Variants in LRP4 observed in about 807,000 individuals in gnomAD.
LRP4 encodes the protein low-density lipoprotein receptor-related protein 4.
LRP4 carries 95 observed loss-of-function variants against 220.3 expected under a neutral mutation model. That is an observed-to-expected ratio of 0.43 (90% confidence interval 0.37 to 0.51). The LOEUF (loss-of-function observed/expected upper bound fraction) is 0.51, where lower values mean the gene tolerates loss of function less well. Ranked by LOEUF, LRP4 falls within the 20% of genes least tolerant of loss-of-function variation. LRP4 has a pLI of 0.00. For missense variants in LRP4, 1,925 were observed against 2,567.0 expected (o/e 0.75, Z 5.40); for synonymous variants, 903 against 954.6 (o/e 0.95, Z 1.00).
At chr11:46,861,554 G>T (rs1392934668) in intron 37 of LRP4, among the ~76,000 whole-genome samples, 2 of 101,162 alleles carry the variant, frequency 2.0e-5, no homozygotes, top group Non-Finnish European at 3.8e-5. Context: ...TTGAGACAGG[G>T]TCTCATTGTC....
chr11:46,900,003 T>C (rs2134864838), intron 3 of LRP4, 27 bp from the exon 4 acceptor site: 1 of 1,564,380 alleles, frequency 6.4e-7, no homozygotes, highest in East Asian at 2.2e-5. Context: ...GTCAGGCTGC[T>C]GCAGGCAGTG....
At chr11:46,878,784 G>T in intron 22 of LRP4, 123 bp downstream of exon 22, 3 of 1,404,914 alleles carry the variant, frequency 2.1e-6, no homozygotes, top group African/African-American at 1.4e-5. Context: ...TCTCCCCTGG[G>T]CCTCTAGAAG....
intron 20 of LRP4, among the ~76,000 whole-genome samples, chr11:46,881,058 C>CA (rs60125188): frequency 0.02 from 1,126 of 56,134 alleles, 88 homozygotes; most frequent in African/African-American, 0.046. Flanking sequence ...TCTAAAAAAC[C>CA]AAAAAAAAAA....
chr11:46,881,952 G>A (rs369713106), intron 19 of LRP4, 49 bp from the exon 20 acceptor site: 3 of 1,578,566 alleles, frequency 1.9e-6, no homozygotes, highest in Non-Finnish European at 2.6e-6. Context: ...TTAATATCCA[G>A]CAGGGACTCA....
intron 1 of LRP4, among the ~76,000 whole-genome samples, chr11:46,910,675 GCCC>G (rs921295976): frequency 1.0e-3 from 22 of 21,634 alleles, no homozygotes; most frequent in Non-Finnish European, 6.2e-4. Context: ...CTTTATCCTT[GCCC>G]CCTTTTTTTT....
chr11:46,868,448 C>A, intron 33 of LRP4, 152 bp downstream of exon 33: 2 of 712,414 alleles, frequency 2.8e-6, no homozygotes, highest in Non-Finnish European at 4.9e-6. Flanking sequence ...ATTCCCAAAA[C>A]CCAAGCAGAC....
Position 46,876,553 on chromosome 11 carries a change from A to C in LRP4, c.3449T>G (p.Val1150Gly), listed in dbSNP as rs1239897544. 6.2e-6 allele frequency: 10 copies of C among 1,614,032 alleles called. No homozygotes were observed. The highest frequency in any genetic ancestry group is 1.3e-5 in the African/African-American group (1 of 74,908). Residue 1150 changes from valine (V) to glycine (G), a missense_variant, in exon 25 of 38, where the codon GTG becomes GGG. Physicochemically the swap from Val to Gly is moderately radical, Grantham distance 109 (BLOSUM62 -3). Coordinates refer to ENST00000378623, the MANE Select transcript of LRP4 (RefSeq NM_002334.4). ...CCGCATGGACCCGTCCAGGTTGCCC[A>C]CTTCAATCCGGTTTGTTCCCGTGTC... ...WTDTGTNRIEVGNLDGSMRKV... is the reference protein window; with the variant it reads ...WTDTGTNRIEGGNLDGSMRKV...
intron 1 of LRP4, among the ~76,000 whole-genome samples, chr11:46,904,504 G>A (rs1308184480): frequency 1.8e-5 from 2 of 108,530 alleles, no homozygotes; most frequent in Non-Finnish European, 4.0e-5. Context: ...TGGATGGACG[G>A]ACAGACGGAT....
intron 16 of LRP4, 29 bp from the exon 17 acceptor site, chr11:46,886,562 T>C: frequency 6.3e-7 from 1 of 1,581,502 alleles, no homozygotes; most frequent in Non-Finnish European, 8.7e-7. Context: ...GGGTCTTCTT[T>C]TAATGCTCTA....
In LRP4 at chr11:46,868,876, T is replaced by G. The variant is rs112479534; in HGVS notation, c.4837+112A>C. On this transcript the variant is annotated intron_variant, in intron 32 of 37. Coordinates refer to ENST00000378623, the MANE Select transcript of LRP4 (RefSeq NM_002334.4). ...TAAAAAGTTCTAAGCGTTTAAAATG[T>G]GAACCAAGAAGCTCTCTTGTGGCCC... The G allele has an allele frequency of 0.011, 16,064 of 1,486,642 alleles. 124 individuals are homozygous for G. Among genetic ancestry groups the G allele is most frequent in the Middle Eastern group, 0.017 (98 of 5,848 alleles). 92.1% of individuals were successfully genotyped at this position (1,486,642 alleles called of 1,614,324 possible). A position where few individuals can be genotyped will look rare whatever the true frequency, so the allele number is the denominator to read the frequency against.
intron 33 of LRP4, 116 bp from the exon 34 acceptor site, chr11:46,868,230 C>T (rs1296902104): frequency 3.3e-6 from 4 of 1,219,308 alleles, no homozygotes; most frequent in Middle Eastern, 5.2e-4. Flanking sequence ...TAGTCCCAGG[C>T]ACCTTCATTA....
Position 46,875,016 on chromosome 11 carries a change from C to T in LRP4, c.4013G>A (p.Gly1338Asp), listed in dbSNP as rs1453134036. The change falls in exon 28 of 38, where the codon GGC (glycine) becomes GAC (aspartate). Residue 1338 changes from glycine (G) to aspartate (D), a missense_variant. This residue lies in a region of LRP4 where 1,244 missense variants were observed against 1,624.9 expected (regional missense o/e 0.77). Transcript: ENST00000378623. The surrounding 1 kb of genome is among the most constrained non-coding windows in gnomAD (Gnocchi z 4.5). Reference sequence around the variant, plus strand: ...CTTCCCATCTCCCTTCAGCTGGATGCCAGTGGGGCAGGCACAGGAGAAGCC... The same window carrying T: ...CTTCCCATCTCCCTTCAGCTGGATGTCAGTGGGGCAGGCACAGGAGAAGCC... ...PSGFSCACPT[G>D]IQLKGDGKTC... 1 of 1,614,008 alleles carries T rather than the reference C, an allele frequency of 6.2e-7. No homozygotes were observed. Among genetic ancestry groups the T allele is most frequent in the Non-Finnish European group, 8.5e-7 (1 of 1,180,050 alleles).
At chr11:46,868,166 T>C in intron 33 of LRP4, 52 bp from the exon 34 acceptor site, 1 of 1,610,832 alleles carries the variant, frequency 6.2e-7, no homozygotes, top group Non-Finnish European at 8.5e-7. Context: ...AACATCTACA[T>C]ATGGCCCAAG....
In LRP4 at chr11:46,899,647, G is replaced by C; in HGVS notation, c.431-144C>G. The C allele has an allele frequency of 1.3e-6, 1 of 766,452 alleles. No individual in the cohort carries two copies. Among genetic ancestry groups the C allele is most frequent in the Non-Finnish European group, 2.3e-6 (1 of 434,800 alleles). The allele number at this position is 766,452 out of a possible 1,614,324, so 47.5% of individuals were successfully genotyped here. A position where few individuals can be genotyped will look rare whatever the true frequency, so the allele number is the denominator to read the frequency against. On this transcript the variant is annotated intron_variant, in intron 4 of 37. Transcript: ENST00000378623. The surrounding 1 kb of genome is among the most constrained non-coding windows in gnomAD (Gnocchi z 5.9). ...CCCCAGAGTCAGTGCAGACTCTCCAGGGAGAACGGAGGCCCTGGAGAGACT... is the reference window on the plus strand; with the variant it reads ...CCCCAGAGTCAGTGCAGACTCTCCACGGAGAACGGAGGCCCTGGAGAGACT...
intron 37 of LRP4, 105 bp from the exon 38 acceptor site, chr11:46,859,420 G>A (rs999950909): frequency 2.8e-5 from 24 of 849,196 alleles, no homozygotes; most frequent in African/African-American, 1.2e-4. Context: ...GGAGTGAAGC[G>A]CACAAAAATC....
rs1344052338 is a variant in LRP4, at chr11:46,896,329, G to T, written c.929C>A (p.Pro310His). 2 of 1,613,686 alleles carry T rather than the reference G, an allele frequency of 1.2e-6. No homozygotes were observed. Among genetic ancestry groups the T allele is most frequent in the Non-Finnish European group, 1.7e-6 (2 of 1,180,000 alleles). Residue 310 changes from proline (P) to histidine (H), a missense_variant, in exon 9 of 38, where the codon CCC (proline) becomes CAC (histidine). This residue lies in a region of LRP4 where 412 missense variants were observed against 505.4 expected (regional missense o/e 0.82). Transcript: ENST00000378623. ...CAGGAACTGGTCCAAGGCACATTGG[G>T]GGCTTCCTAGAGAGATGGAGGGTCA... ...DEENCENTGS[P>H]QCALDQFLCW...
intron 20 of LRP4, among the ~76,000 whole-genome samples, chr11:46,879,669 C>T (rs904812116): frequency 4.6e-5 from 7 of 152,164 alleles, no homozygotes; most frequent in Non-Finnish European, 5.9e-5. Context: ...ATCACAATAA[C>T]GGAACAGGCC....
chr11:46,859,914 G>C (rs933186831), intron 37 of LRP4, among the ~76,000 whole-genome samples: 1 of 152,102 alleles, frequency 6.6e-6, no homozygotes, highest in Admixed American at 6.6e-5. Flanking sequence ...GAGAAAACTT[G>C]GGAGGTAAGA....
Position 46,900,353 on chromosome 11 carries a change from G to A in LRP4, c.225C>T (p.Asp75=), listed in dbSNP as rs1023732809. The A allele has an allele frequency of 1.9e-6, 3 of 1,613,288 alleles. No individual in the cohort carries two copies. Among genetic ancestry groups the A allele is most frequent in the Admixed American group, 1.7e-5 (1 of 60,022 alleles). The change falls in exon 3 of 38, where the codon GAC becomes GAT. Residue 75 remains aspartate (D), a synonymous_variant. Coordinates refer to ENST00000378623, the MANE Select transcript of LRP4 (RefSeq NM_002334.4). ...GCILPTCSPL[D]FHCDNGKCIR... is the part of the protein sequence containing the mutation. ...TGCACTTGCCATTGTCACAGTGAAA[G>A]TCAAGAGGGGAACAGGTAGGTAGTA...
Sources: gnomAD v4.1 joint callset for allele counts (sites outside exome capture counted in the v4.1 genomes callset) on GRCh38, gnomAD v4.1.1 for gene constraint, gnomAD v4.1.1 regional missense constraint, Gnocchi (gnomAD v3.1) non-coding constraint, MANE v1.5 for transcripts, NCBI Gene and HGNC (gene_info 2026-07-23, HGNC 2026-07-21) for gene names.